The following NPEPL1 variants were observed in gnomAD, a reference collection of about 807,000 sequenced individuals.
The protein encoded by NPEPL1 is probable aminopeptidase NPEPL1.
A neutral mutation model predicts 52.4 loss-of-function variants in NPEPL1; 45 were observed. The observed-to-expected ratio is 0.86, with a 90% CI of 0.68 to 1.10. NPEPL1 has a LOEUF of 1.10. Among genes scored for constraint, NPEPL1 ranks in the 50% least tolerant of loss-of-function variants. The pLI is 0.00. For synonymous variants in NPEPL1, 360 were observed against 314.7 expected, an observed-to-expected ratio of 1.14 and a Z score of -1.52; for missense variants, 696 against 710.9, an observed-to-expected ratio of 0.98 and a Z score of 0.24.
upstream of NPEPL1, chr20:58,691,916 G>C: frequency 4.5e-6 from 4 of 888,646 alleles, no homozygotes; most frequent in Non-Finnish European, 7.3e-6. Context: ...TGACCCTGTG[G>C]GTGGGACCCT....
intron 2 of NPEPL1, 102 bp from the exon 3 acceptor site, chr20:58,694,320 C>A: frequency 8.0e-7 from 1 of 1,242,766 alleles, no homozygotes; most frequent in Non-Finnish European, 1.1e-6. Context: ...CTAGATGTCA[C>A]CTGCCAGGGA....
chr20:58,712,211 A>C (rs1475770600), intron 7 of NPEPL1, among the ~76,000 whole-genome samples: 1 of 152,156 alleles, frequency 6.6e-6, no homozygotes, highest in Non-Finnish European at 1.5e-5. Context: ...GCAGTCCAAG[A>C]GTCCCACAGC....
At chr20:58,701,730 A>G (rs917417813) in intron 6 of NPEPL1, among the ~76,000 whole-genome samples, 2 of 152,016 alleles carry the variant, frequency 1.3e-5, no homozygotes, top group Non-Finnish European at 2.9e-5. Context: ...CCACTGAGAA[A>G]ACGCTCAGAG....
intron 8 of NPEPL1, 113 bp downstream of exon 8, chr20:58,712,692 C>T (rs775487021): frequency 4.6e-5 from 37 of 796,158 alleles, no homozygotes; most frequent in Middle Eastern, 2.2e-4. Context: ...CGTTGGGGTC[C>T]CCTGGGCAGC....
chr20:58,693,322 A>C, intron 1 of NPEPL1: 3 of 161,324 alleles, frequency 1.9e-5, no homozygotes, highest in Non-Finnish European at 1.3e-5. Context: ...GCGGGGGGGG[A>C]GACGTGGCCG....
At chr20:58,704,325 G>C (rs777898367) in intron 6 of NPEPL1, 266 of 985,388 alleles carry the variant, frequency 2.7e-4, no homozygotes, top group Non-Finnish European at 3.1e-4. Context: ...AAGATTTCAA[G>C]GGCAGCTCAA....
intron 8 of NPEPL1, chr20:58,712,956 A>G (rs2084883498): frequency 2.6e-6 from 1 of 378,886 alleles, no homozygotes; most frequent in Admixed American, 3.7e-5. Context: ...GACCCTGGAA[A>G]GTCAAAGCTG....
In NPEPL1 at chr20:58,707,346, G is replaced by C. The variant is rs1038135807; in HGVS notation, c.900+146G>C. On this transcript the variant is annotated intron_variant, in intron 7 of 11. Coordinates refer to ENST00000356091, the MANE Select transcript of NPEPL1 (RefSeq NM_024663.4). ...ATGCTTGTCCCCCCTCTGCCCCCAGGCTCTTCTGGGGCCCCCAGAGCTTCC... is the reference window on the plus strand; with the variant it reads ...ATGCTTGTCCCCCCTCTGCCCCCAGCCTCTTCTGGGGCCCCCAGAGCTTCC... The C allele has an allele frequency of 6.4e-6, 5 of 786,224 alleles. No homozygotes were observed. The Admixed American group carries it at 1.1e-4, about 18-fold the overall frequency. 48.7% of individuals were successfully genotyped at this position (786,224 alleles called of 1,614,324 possible).
At chr20:58,703,414 C>A in intron 6 of NPEPL1, 1 of 966,246 alleles carries the variant, frequency 1.0e-6, no homozygotes, top group Non-Finnish European at 1.2e-6. Context: ...CCTAAATTCG[C>A]CACAGATAGT....
At chr20:58,704,400 C>A (rs558598336) in intron 6 of NPEPL1, 61 of 984,146 alleles carry the variant, frequency 6.2e-5, no homozygotes, top group Non-Finnish European at 7.2e-5. Context: ...TTAACAAGTA[C>A]CGACCCCAAA....
At position 58,715,271 on chromosome 20, in the gene NPEPL1, TG is replaced by T; in HGVS notation, c.1519del (p.Asp507MetfsTer133). 6.2e-7 allele frequency: 1 copy of T among 1,610,968 alleles called. No homozygotes were observed. The highest frequency in any genetic ancestry group is 8.5e-7 in the Non-Finnish European group (1 of 1,179,194). ...CTGGTGTCCCCACTGGGCTGTGAGGTGGATGTCGAGGAGGGGGACCTGGGGA... is the reference window on the plus strand; with the variant it reads ...CTGGTGTCCCCACTGGGCTGTGAGGTGATGTCGAGGAGGGGGACCTGGGGA... ...LNLVSPLGCE[V>X]DVEEGDLGRD... On this transcript the variant is annotated frameshift_variant, in exon 12 of 12. Coordinates refer to ENST00000356091, the MANE Select transcript of NPEPL1 (RefSeq NM_024663.4). LOFTEE classifies it high-confidence loss of function.
chr20:58,692,664 T>TCGGGCCTGCCCGGCCGGGCCTGCCCGGC (rs922489444), upstream of NPEPL1: 1 of 291,966 alleles, frequency 3.4e-6, no homozygotes, highest in Admixed American at 6.6e-5. The surrounding 1 kb of genome is among the most constrained non-coding windows in gnomAD (Gnocchi z 5.7). Flanking sequence ...GGGGCCGGCT[T>TCGGGCCTGCCCGGCCGGGCCTGCCCGGC]CGGGCCTGCC....
At chr20:58,714,128 A>C in intron 10 of NPEPL1, 35 bp downstream of exon 10, 1 of 1,520,508 alleles carries the variant, frequency 6.6e-7, no homozygotes, top group South Asian at 1.3e-5. Context: ...AGCCTGCCAC[A>C]TGGGTGGAGC....
At chr20:58,695,470 A>T (rs1228003093) in intron 3 of NPEPL1, among the ~76,000 whole-genome samples, 1 of 152,206 alleles carries the variant, frequency 6.6e-6, no homozygotes, top group Non-Finnish European at 1.5e-5. Context: ...GATGGGCCTG[A>T]CATCAGGCTC....
chr20:58,715,364 C>T lies in NPEPL1; in HGVS notation c.*38C>T, dbSNP rs751185733. On this transcript the variant is annotated 3_prime_UTR_variant, in exon 12 of 12. Coordinates refer to ENST00000356091, the MANE Select transcript of NPEPL1 (RefSeq NM_024663.4). ...GGCCCTGACAAACGGGGATCTTTTA[C>T]CTCACTTTGCACTGATTAATTTTAA... 1.3e-6 allele frequency: 2 copies of T among 1,566,278 alleles called. No individual in the cohort carries two copies. The highest frequency in any genetic ancestry group is 1.7e-6 in the Non-Finnish European group (2 of 1,155,740).
rs2084546688 is a variant in NPEPL1 at position 58,698,793 on chromosome 20, CG to C, written c.597+25del. 3 of 1,597,874 alleles carry C rather than the reference CG, an allele frequency of 1.9e-6. No individual in the cohort carries two copies. On this transcript the variant is annotated intron_variant, in intron 4 of 11. Transcript: ENST00000356091. ...CTCGAGGTTTGTGGCGTCATCAGGCCGGGGGTGGGACCAGGCTGGGGTGGGT... is the reference window on the plus strand; with the variant it reads ...CTCGAGGTTTGTGGCGTCATCAGGCCGGGGTGGGACCAGGCTGGGGTGGGT...
intron 5 of NPEPL1, among the ~76,000 whole-genome samples, chr20:58,700,435 A>C (rs1044998644): frequency 6.6e-6 from 1 of 152,238 alleles, no homozygotes; most frequent in African/African-American, 2.4e-5. Flanking sequence ...TGTGGATCTT[A>C]CAGGATGAGT....
chr20:58,697,159 A>G (rs1163236895), intron 3 of NPEPL1, among the ~76,000 whole-genome samples: 2 of 152,206 alleles, frequency 1.3e-5, no homozygotes, highest in East Asian at 3.8e-4. Flanking sequence ...GATGCCTGGC[A>G]CATGTGGACA....
chr20:58,695,610 C>T (rs1358402322), intron 3 of NPEPL1, among the ~76,000 whole-genome samples: 1 of 152,138 alleles, frequency 6.6e-6, no homozygotes, highest in African/African-American at 2.4e-5. Flanking sequence ...AAGGCTGTCG[C>T]CTTCACCCAG....
Sources: allele counts gnomAD v4.1 joint callset (sites outside exome capture counted in the v4.1 genomes callset), GRCh38; gene constraint gnomAD v4.1.1; non-coding constraint Gnocchi (gnomAD v3.1); transcripts MANE v1.5; gene names NCBI Gene and HGNC (gene_info 2026-07-23, HGNC 2026-07-21).